FGFR2: variants seen among roughly 807,000 people sequenced by gnomAD.
FGFR2 encodes BEK fibroblast growth factor receptor.
In FGFR2, 19 loss-of-function variants were observed where a neutral mutation model predicts 95.9. The ratio of observed to expected loss-of-function variants is 0.20; its 90% CI spans 0.14 to 0.29. FGFR2 has a LOEUF of 0.29. Ranked by LOEUF, FGFR2 falls within the 10% of genes least tolerant of loss-of-function variation. FGFR2 has a pLI of 1.00. For synonymous variants in FGFR2, 392 were observed against 393.3 expected, an observed-to-expected ratio of 1.00 and a Z score of 0.04; for missense variants, 707 against 1,056.9, an observed-to-expected ratio of 0.67 and a Z score of 4.59.
At chr10:121,575,991 C>A (rs1422230632) in intron 2 of FGFR2, among the ~76,000 whole-genome samples, 1 of 152,034 alleles carries the variant, frequency 6.6e-6, no homozygotes, top group Admixed American at 6.5e-5. Context: ...AGTTCAAGAC[C>A]AGCCTGACCA....
chr10:121,481,827 C>CTTTTTTTTTTT lies in FGFR2; in HGVS notation c.2302-1807_2302-1806insAAAAAAAAAAA, dbSNP rs1172844728. On this transcript the variant is annotated intron_variant, in intron 17 of 17. Transcript: ENST00000358487. The stretch of plus-strand genomic sequence containing the variant: ...CTTTAGTGCTTTTCCCGGTTTCTTT[C>CTTTTTTTTTTT]TTTTTTATTTTTATTTTTTTTTTTT... 5.9e-4 allele frequency: 106 copies of CTTTTTTTTTTT among 179,040 alleles called. 12 individuals are homozygous for CTTTTTTTTTTT. Among genetic ancestry groups the CTTTTTTTTTTT allele is most frequent in the East Asian group, 1.3e-3 (10 of 7,564 alleles). 11.1% of individuals were successfully genotyped at this position (179,040 alleles called of 1,614,324 possible).
chr10:121,485,375 G>T lies in FGFR2; in HGVS notation c.2195+20C>A, dbSNP rs2133792582. 1 of 1,614,070 alleles carries T rather than the reference G, an allele frequency of 6.2e-7. No individual in the cohort carries two copies. The highest frequency in any genetic ancestry group is 1.3e-5 in the African/African-American group (1 of 75,026). On this transcript the variant is annotated intron_variant, in intron 16 of 17. Transcript: ENST00000358487. This position sits in a 1 kb window ranked among gnomAD's most constrained non-coding sequence, Gnocchi z 4.2. ...TGGCAAGTCCACTGGGGCACCGGCA[G>T]GAAAGACAACAGCCCTTACAGTTCG...
chr10:121,590,962 GGCAC>G (rs569281100), intron 2 of FGFR2, among the ~76,000 whole-genome samples: 8 of 152,130 alleles, frequency 5.3e-5, no homozygotes, highest in Non-Finnish European at 8.8e-5. Flanking sequence ...CAGGGGCACA[GGCAC>G]GCACGCACGC....
At chr10:121,548,883 CT>C (rs959628451) in intron 5 of FGFR2, among the ~76,000 whole-genome samples, 76 of 150,258 alleles carry the variant, frequency 5.1e-4, no homozygotes, top group African/African-American at 1.5e-3. Flanking sequence ...AAATCCTTAA[CT>C]TTTTTTTTTC....
Position 121,488,170 on chromosome 10 carries a change from A to C in FGFR2, c.1864-57T>G. ...TAATTTCAAAACACCGCCAGAACAA[A>C]AAGGAAATATGTTCATTTCTTAAAA... On this transcript the variant is annotated intron_variant, in intron 13 of 17. Coordinates refer to ENST00000358487, the MANE Select transcript of FGFR2 (RefSeq NM_000141.5). 1.9e-6 allele frequency: 3 copies of C among 1,603,638 alleles called. No homozygotes were observed. The South Asian group carries it at 3.3e-5, about 18-fold the overall frequency.
chr10:121,496,583 C>T lies in FGFR2; in HGVS notation c.1812G>A (p.Val604=), dbSNP rs1170980323. 3 of 1,613,796 alleles carry T rather than the reference C, an allele frequency of 1.9e-6. No individual in the cohort carries two copies. The highest frequency in any genetic ancestry group is 1.3e-5 in the African/African-American group (1 of 74,874). The change falls in exon 13 of 18, where the codon GTG becomes GTA. Residue 604 remains valine, a synonymous_variant. Coordinates refer to ENST00000358487, the MANE Select transcript of FGFR2 (RefSeq NM_000141.5). ...PEEQMTFKDL[V]SCTYQLARGM... ...CTCTGGCCAGCTGGTAGGTGCATGA[C>T]ACCAAGTCCTTGAAGGTCATCTGCT...
intron 5 of FGFR2, among the ~76,000 whole-genome samples, chr10:121,541,924 A>C (rs1049323372): frequency 1.3e-5 from 2 of 152,228 alleles, no homozygotes; most frequent in African/African-American, 4.8e-5. Flanking sequence ...GCTAGCCCAC[A>C]GAAAATAGCA....
chr10:121,506,880 G>T (rs1213087074), intron 9 of FGFR2, among the ~76,000 whole-genome samples: 1 of 152,204 alleles, frequency 6.6e-6, no homozygotes, highest in Non-Finnish European at 1.5e-5. Flanking sequence ...TTATGTTCTA[G>T]AAGAAGTACT....
intron 13 of FGFR2, among the ~76,000 whole-genome samples, chr10:121,489,288 G>A (rs1845827341): frequency 1.3e-5 from 2 of 151,998 alleles, no homozygotes; most frequent in Non-Finnish European, 2.9e-5. Context: ...CGGTCAGGCT[G>A]GTCTCGAACT....
chr10:121,519,244 TAA>T (rs1850158497), intron 7 of FGFR2, among the ~76,000 whole-genome samples: 1 of 152,114 alleles, frequency 6.6e-6, no homozygotes, highest in African/African-American at 2.4e-5. Flanking sequence ...GGCAAGGAGT[TAA>T]GAGCCAGCTG....
chr10:121,592,499 C>T (rs1404518743), intron 2 of FGFR2, among the ~76,000 whole-genome samples: 1 of 152,170 alleles, frequency 6.6e-6, no homozygotes, highest in East Asian at 1.9e-4. Context: ...CAGTCTCACA[C>T]GATTGCTTCA....
At chr10:121,532,880 C>T (rs1425162205) in intron 6 of FGFR2, among the ~76,000 whole-genome samples, 1 of 152,182 alleles carries the variant, frequency 6.6e-6, no homozygotes, top group Non-Finnish European at 1.5e-5. Context: ...TGTGTCCTAT[C>T]ATGTCTGGGG....
At chr10:121,494,797 T>C (rs908944858) in intron 13 of FGFR2, among the ~76,000 whole-genome samples, 4 of 152,132 alleles carry the variant, frequency 2.6e-5, no homozygotes, top group Admixed American at 2.0e-4. Flanking sequence ...ACTTCACAAA[T>C]CTCAATTCTT....
Position 121,598,157 on chromosome 10 carries a change from C to A in FGFR2, c.-346G>T. On this transcript the variant is annotated 5_prime_UTR_variant, in exon 1 of 18. Coordinates refer to ENST00000358487, the MANE Select transcript of FGFR2 (RefSeq NM_000141.5). Reference sequence around the variant, plus strand: ...CGGAGGAGCGCGGGCATGACGCCCGCGGGCTGCCCTCGGATTTGGGGAACG... The same window carrying A: ...CGGAGGAGCGCGGGCATGACGCCCGAGGGCTGCCCTCGGATTTGGGGAACG... 2.5e-6 allele frequency: 1 copy of A among 398,296 alleles called. No homozygotes were observed. The highest frequency in any genetic ancestry group is 4.4e-6 in the Non-Finnish European group (1 of 225,846). The allele number at this position is 398,296 out of a possible 1,614,324, so 24.7% of individuals were successfully genotyped here.
In FGFR2 at chr10:121,515,150, C is replaced by T. The variant is rs771248107; in HGVS notation, c.1254G>A (p.Leu418=). 6.2e-7 allele frequency: 1 copy of T among 1,614,182 alleles called. No individual in the cohort carries two copies. Among genetic ancestry groups the T allele is most frequent in the South Asian group, 1.1e-5 (1 of 91,064 alleles). Reference sequence around the variant, plus strand: ...GTCTCCGCAGGGGGATACGTTTGGTCAGCTTGTGCACAGCCGGCTGGCTGC... The same window carrying T: ...GTCTCCGCAGGGGGATACGTTTGGTTAGCTTGTGCACAGCCGGCTGGCTGC... ...DFSSQPAVHK[L]TKRIPLRRQV... The change falls in exon 9 of 18, where the codon CTG becomes CTA. Residue 418 remains leucine (L), a synonymous_variant. Coordinates refer to ENST00000358487, the MANE Select transcript of FGFR2 (RefSeq NM_000141.5).
intron 2 of FGFR2, among the ~76,000 whole-genome samples, chr10:121,587,290 A>G (rs1198918782): frequency 6.6e-6 from 1 of 152,226 alleles, no homozygotes; most frequent in Non-Finnish European, 1.5e-5. Flanking sequence ...GTCAAATCCA[A>G]AACTATAAAA....
intron 2 of FGFR2, among the ~76,000 whole-genome samples, chr10:121,590,608 C>T (rs543461611): frequency 6.6e-6 from 1 of 152,080 alleles, no homozygotes; most frequent in Non-Finnish European, 1.5e-5. Context: ...TGGGCCCAAC[C>T]CCACTGCTAC....
chr10:121,588,875 T>C (rs1219642), intron 2 of FGFR2, among the ~76,000 whole-genome samples: 62,044 of 151,878 alleles, frequency 0.41, 12,681 homozygotes, highest in Middle Eastern at 0.43. Flanking sequence ...AATTGCACCA[T>C]TGTACTCCAG....
At chr10:121,559,365 T>C (rs1183308936) in intron 4 of FGFR2, among the ~76,000 whole-genome samples, 1 of 152,126 alleles carries the variant, frequency 6.6e-6, no homozygotes, top group African/African-American at 2.4e-5. Context: ...ACACTTGAGG[T>C]GGCAAAAAAT....
Sources: allele counts gnomAD v4.1 joint callset (sites outside exome capture counted in the v4.1 genomes callset), GRCh38; gene constraint gnomAD v4.1.1; non-coding constraint Gnocchi (gnomAD v3.1); transcripts MANE v1.5; gene names NCBI Gene and HGNC (gene_info 2026-07-23, HGNC 2026-07-21).